The following DDX31 variants were observed in gnomAD, a reference collection of about 807,000 sequenced individuals.
The protein encoded by DDX31 is DEAD-box helicase 31.
A neutral mutation model predicts 91.3 loss-of-function variants in DDX31; 70 were observed. That is an observed-to-expected ratio of 0.77 (90% confidence interval 0.63 to 0.94). DDX31 has a LOEUF of 0.94. Among genes scored for constraint, DDX31 ranks in the 40% least tolerant of loss-of-function variants. The pLI is 0.00. For missense variants in DDX31, 902 were observed against 925.0 expected, an observed-to-expected ratio of 0.98 and a Z score of 0.32; for synonymous variants, 362 against 350.6, an observed-to-expected ratio of 1.03 and a Z score of -0.36.
chr9:132,660,331 G>A lies in DDX31; in HGVS notation c.453-551C>T, dbSNP rs149932977. 2.7e-3 allele frequency among the ~76,000 whole-genome samples: 373 copies of A among 136,500 alleles called. 1 individual carries two copies. Among genetic ancestry groups the A allele is most frequent in the African/African-American group, 9.5e-3 (348 of 36,598 alleles). The allele number at this position is 136,500 out of a possible 152,430, so 89.5% of individuals were successfully genotyped here. On this transcript the variant is annotated intron_variant, in intron 4 of 19. Coordinates refer to ENST00000372159, the MANE Select transcript of DDX31 (RefSeq NM_022779.9). The stretch of plus-strand genomic sequence containing the variant: ...GCCTGGGCAACAAGAGCAAAACTCC[G>A]TCTCAAAAAAAAAAAAAAAAAGAAA...
intron 14 of DDX31, among the ~76,000 whole-genome samples, chr9:132,639,379 G>A (rs1410452040): frequency 2.0e-5 from 3 of 152,074 alleles, no homozygotes; most frequent in African/African-American, 4.8e-5. Context: ...CCAGAATATC[G>A]GCATGCTGGA....
At chr9:132,638,142 T>C (rs1225119388) in intron 14 of DDX31, 2 of 1,386,238 alleles carry the variant, frequency 1.4e-6, no homozygotes, top group African/African-American at 2.9e-5. Context: ...CAGGGCGGGC[T>C]GCAGGTATCT....
chr9:132,644,502 GACC>G (rs1382097731), intron 13 of DDX31, among the ~76,000 whole-genome samples: 1 of 152,162 alleles, frequency 6.6e-6, no homozygotes, highest in Non-Finnish European at 1.5e-5. Flanking sequence ...GCCAGGACAA[GACC>G]ACAAGCAGGG....
At chr9:132,666,662 C>T (rs1009461998) in intron 1 of DDX31, among the ~76,000 whole-genome samples, 1 of 151,054 alleles carries the variant, frequency 6.6e-6, no homozygotes, top group African/African-American at 2.4e-5. Flanking sequence ...GCTGGGATCA[C>T]AGGCACCCAC....
intron 19 of DDX31, among the ~76,000 whole-genome samples, chr9:132,608,137 G>A (rs1006324203): frequency 6.6e-6 from 1 of 152,178 alleles, no homozygotes; most frequent in Non-Finnish European, 1.5e-5. Flanking sequence ...TTCACGGAAG[G>A]GAAAATGCTG....
At chr9:132,632,789 T>G (rs1832875355) in intron 14 of DDX31, among the ~76,000 whole-genome samples, 1 of 152,222 alleles carries the variant, frequency 6.6e-6, no homozygotes. Flanking sequence ...AAGATTTAGC[T>G]AGATAGCTGA....
At chr9:132,603,180 A>C (rs567388815) in intron 19 of DDX31, among the ~76,000 whole-genome samples, 2 of 152,382 alleles carry the variant, frequency 1.3e-5, no homozygotes, top group South Asian at 4.1e-4. Flanking sequence ...ACGAGCACTT[A>C]AAACTGACAT....
At chr9:132,606,783 C>T (rs908081557) in intron 19 of DDX31, among the ~76,000 whole-genome samples, 1 of 152,164 alleles carries the variant, frequency 6.6e-6, no homozygotes, top group Non-Finnish European at 1.5e-5. Context: ...GTGATTCTCC[C>T]AGAGTCGGCA....
intron 1 of DDX31, chr9:132,663,319 T>C (rs553175027): frequency 7.8e-7 from 1 of 1,288,942 alleles, no homozygotes. Context: ...CCTGTTCCCA[T>C]TCCAAATGAG....
chr9:132,636,001 G>A (rs894003424), intron 14 of DDX31, among the ~76,000 whole-genome samples: 2 of 152,068 alleles, frequency 1.3e-5, no homozygotes, highest in Non-Finnish European at 2.9e-5. Context: ...CCCCAGCGTC[G>A]GAGGCAGGAC....
chr9:132,637,294 T>C (rs1201617793), intron 14 of DDX31, among the ~76,000 whole-genome samples: 4 of 152,080 alleles, frequency 2.6e-5, no homozygotes, highest in African/African-American at 9.7e-5. Flanking sequence ...AGAACTTAGA[T>C]GTAGCTTCAT....
At chr9:132,636,047 A>T (rs2130705031) in intron 14 of DDX31, among the ~76,000 whole-genome samples, 1 of 152,320 alleles carries the variant, frequency 6.6e-6, no homozygotes, top group African/African-American at 2.4e-5. Flanking sequence ...ACTCCCCCAG[A>T]AGGACCACTG....
intron 14 of DDX31, among the ~76,000 whole-genome samples, chr9:132,635,351 G>A (rs1470375363): frequency 1.3e-5 from 2 of 150,458 alleles, no homozygotes; most frequent in Non-Finnish European, 2.9e-5. Flanking sequence ...GACTCTTTAA[G>A]TCTATCATTC....
intron 19 of DDX31, among the ~76,000 whole-genome samples, chr9:132,596,719 C>T (rs773422290): frequency 9.9e-5 from 15 of 152,282 alleles, no homozygotes; most frequent in South Asian, 2.1e-4. Context: ...AACGATTTGC[C>T]GGGTCAGCGG....
intron 5 of DDX31, among the ~76,000 whole-genome samples, chr9:132,659,275 T>C (rs4962073): frequency 0.29 from 43,405 of 151,988 alleles, 6,634 homozygotes; most frequent in Middle Eastern, 0.4. Context: ...CACATGAGGG[T>C]CAAAAAAGCA....
chr9:132,669,194 G>C (rs1182074159), intron 1 of DDX31, among the ~76,000 whole-genome samples: 1 of 152,002 alleles, frequency 6.6e-6, no homozygotes, highest in Non-Finnish European at 1.5e-5. Context: ...GGAGGGCCTG[G>C]AAGAAAAAGA....
intron 17 of DDX31, among the ~76,000 whole-genome samples, chr9:132,625,034 G>A (rs1372569403): frequency 6.6e-6 from 1 of 152,122 alleles, no homozygotes; most frequent in Non-Finnish European, 1.5e-5. Flanking sequence ...CCCACACACG[G>A]GAATACTGAG....
intron 6 of DDX31, among the ~76,000 whole-genome samples, chr9:132,656,952 A>G (rs1834609093): frequency 6.6e-6 from 1 of 152,238 alleles, no homozygotes; most frequent in Non-Finnish European, 1.5e-5. Flanking sequence ...TAGGGGGAAA[A>G]AAATCAGTTA....
chr9:132,666,905 G>T (rs1835349416), intron 1 of DDX31, among the ~76,000 whole-genome samples: 1 of 152,008 alleles, frequency 6.6e-6, no homozygotes, highest in Admixed American at 6.6e-5. Context: ...AATAGAGACG[G>T]GGTTTCACTG....
Sources: allele counts gnomAD v4.1 joint callset (sites outside exome capture counted in the v4.1 genomes callset), GRCh38; gene constraint gnomAD v4.1.1; transcripts MANE v1.5; gene names NCBI Gene and HGNC (gene_info 2026-07-23, HGNC 2026-07-21).